CCDC197: variants seen among roughly 807,000 people sequenced by gnomAD.
The protein encoded by CCDC197 is coiled-coil domain containing 197.
CCDC197 carries 24 observed loss-of-function variants against 13.4 expected under a neutral mutation model. That is an observed-to-expected ratio of 1.80 (90% CI 1.30 to 2.53). The LOEUF is 2.53. CCDC197 is among the 30% of genes most tolerant of loss of function. CCDC197 has a pLI of 0.00. For synonymous variants in CCDC197, 99 were observed against 55.5 expected (o/e 1.78, Z -3.48); for missense variants, 255 against 148.8 (o/e 1.71, Z -3.71).
upstream of CCDC197, among the ~76,000 whole-genome samples, chr14:93,993,033 C>A (rs1317175208): frequency 6.6e-6 from 1 of 152,130 alleles, no homozygotes; most frequent in East Asian, 1.9e-4. Flanking sequence ...AAAATTCTGG[C>A]CGAATCAATA....
intron 2 of CCDC197, chr14:93,999,321 C>T (rs1402496320): frequency 6.7e-6 from 3 of 445,054 alleles, no homozygotes; most frequent in Non-Finnish European, 8.0e-6. Context: ...AAGGCTCAGC[C>T]TTCATTCTCC....
At chr14:94,000,130 G>A (rs1398773498) in intron 3 of CCDC197, among the ~76,000 whole-genome samples, 2 of 152,114 alleles carry the variant, frequency 1.3e-5, no homozygotes, top group African/African-American at 4.8e-5. Flanking sequence ...ATGAGTACTG[G>A]AAACTCATTG....
Position 94,003,606 on chromosome 14 carries a change from CACAG to C in CCDC197, c.498+256_498+259del, listed in dbSNP as rs1482812487. Reference sequence around the variant, plus strand: ...CCAGCCAGACACATACACACAAATGCACAGACACACACAGACACACACACAGACA... The same window carrying C: ...CCAGCCAGACACATACACACAAATGCACACACACAGACACACACACAGACA... On this transcript the variant is annotated intron_variant, in intron 5 of 6. Coordinates refer to ENST00000636493, the MANE Select transcript of CCDC197 (RefSeq NM_001351596.2). The surrounding 1 kb of genome is among the most constrained non-coding windows in gnomAD (Gnocchi z 5.0). Among the ~76,000 whole-genome samples, 1 of 89,350 alleles carries C rather than the reference CACAG, an allele frequency of 1.1e-5. No homozygotes were observed. The highest frequency in any genetic ancestry group is 3.1e-5 in the African/African-American group (1 of 32,188). The allele number at this position is 89,350 out of a possible 152,430, so 58.6% of individuals were successfully genotyped here.
chr14:94,004,585 C>A (rs557176475), intron 5 of CCDC197, among the ~76,000 whole-genome samples: 1 of 152,150 alleles, frequency 6.6e-6, no homozygotes. Context: ...CTGCTTCTAA[C>A]GAGGTGTGGA....
At chr14:93,989,115 T>A (rs527748032) in intron 1 of CCDC197, among the ~76,000 whole-genome samples, 168 of 152,006 alleles carry the variant, frequency 1.1e-3, no homozygotes, top group African/African-American at 3.5e-3. Context: ...AATGAACACA[T>A]GGGTAAATAG....
intron 6 of CCDC197, among the ~76,000 whole-genome samples, chr14:94,005,904 T>C (rs1242584728): frequency 2.0e-5 from 3 of 152,152 alleles, no homozygotes; most frequent in African/African-American, 7.2e-5. Flanking sequence ...CATTCATCAG[T>C]TGACGGACAT....
At chr14:94,011,661 G>A (rs1890809782), downstream of CCDC197, among the ~76,000 whole-genome samples, 1 of 152,190 alleles carries the variant, frequency 6.6e-6, no homozygotes, top group Non-Finnish European at 1.5e-5. Flanking sequence ...AGGGCATTTG[G>A]AGAAAAAATA....
chr14:94,008,560 G>A (rs543317628), intron 6 of CCDC197, 49 bp from the exon 7 acceptor site: 57 of 687,720 alleles, frequency 8.3e-5, no homozygotes, highest in African/African-American at 7.0e-4. Flanking sequence ...AGAAAGCAGC[G>A]TCCAGAGGCC....
At position 94,007,888 on chromosome 14, in the gene CCDC197, A is replaced by G. The variant is rs529205783; in HGVS notation, c.616-721A>G. On this transcript the variant is annotated intron_variant, in intron 6 of 6. Transcript: ENST00000636493. ...TCAGCAGTGAGCAAGCCTGTGGCTCAGTTCAGAAGGACTTCTCCAGGAGCC... is the reference window on the plus strand; with the variant it reads ...TCAGCAGTGAGCAAGCCTGTGGCTCGGTTCAGAAGGACTTCTCCAGGAGCC... Among the ~76,000 whole-genome samples, 5 of 152,360 alleles carry G rather than the reference A, an allele frequency of 3.3e-5. No homozygotes were observed. The South Asian group carries it at 1.0e-3, about 32-fold the overall frequency.
rs116329741 is a variant in CCDC197 at position 93,990,502 on chromosome 14, G to A, written c.-107+3106G>A. Among the ~76,000 whole-genome samples, 770 of 152,354 alleles carry A rather than the reference G, an allele frequency of 5.1e-3. 7 individuals carry two copies. The highest frequency in any genetic ancestry group is 0.017 in the African/African-American group (724 of 41,576). ...GCCACCCCAGCCTGGAGTGGACTGA[G>A]CCACTCTCAGTTCCTGCTCCAGGCC... On this transcript the variant is annotated intron_variant, in intron 1 of 7. Coordinates refer to the CCDC197 transcript ENST00000640978.
intron 1 of CCDC197, among the ~76,000 whole-genome samples, chr14:93,989,187 C>T (rs1378563515): frequency 6.6e-6 from 1 of 152,080 alleles, no homozygotes; most frequent in African/African-American, 2.4e-5. Flanking sequence ...TGCTTGACAG[C>T]TGCCGCAGAC....
intron 1 of CCDC197, among the ~76,000 whole-genome samples, chr14:93,988,228 G>A (rs1379960556): frequency 2.8e-5 from 3 of 107,052 alleles, no homozygotes; most frequent in South Asian, 3.6e-4. Context: ...ATGAGAGAGG[G>A]GATAAGAGAG....
chr14:93,992,937 G>T (rs1890235297), upstream of CCDC197, among the ~76,000 whole-genome samples: 1 of 152,164 alleles, frequency 6.6e-6, no homozygotes, highest in South Asian at 2.1e-4. Flanking sequence ...TTTTCCTCTT[G>T]TGCTAGAAAT....
chr14:94,004,064 A>G (rs1890613178), intron 5 of CCDC197, among the ~76,000 whole-genome samples: 1 of 152,174 alleles, frequency 6.6e-6, no homozygotes, highest in Non-Finnish European at 1.5e-5. Context: ...CACTCATTTT[A>G]CAAATGAGAA....
chr14:93,998,332 G>A, intron 2 of CCDC197, 97 bp downstream of exon 2: 1 of 699,928 alleles, frequency 1.4e-6, no homozygotes, highest in Non-Finnish European at 2.6e-6. Flanking sequence ...AGGAGGCCAG[G>A]ACAGGGGGTG....
At chr14:94,001,070 G>T in intron 3 of CCDC197, 75 bp from the exon 4 acceptor site, 1 of 656,536 alleles carries the variant, frequency 1.5e-6, no homozygotes. Flanking sequence ...GCCCCAGCTG[G>T]AATTCCTGGC....
rs530908841 is a variant in CCDC197 at position 94,003,328 on chromosome 14, G to C, written c.472G>C (p.Asp158His). 1 of 590,044 alleles carries C rather than the reference G, an allele frequency of 1.7e-6. No individual in the cohort carries two copies. The highest frequency in any genetic ancestry group is 4.2e-5 in the East Asian group (1 of 23,858). 36.6% of individuals were successfully genotyped at this position (590,044 alleles called of 1,614,324 possible). The change falls in exon 5 of 7, where the codon GAC (aspartate) becomes CAC (histidine). Residue 158 changes from aspartate to histidine, a missense_variant. Asp to His is a moderately conservative substitution (Grantham distance 81, BLOSUM62 -1). Transcript: ENST00000636493. The surrounding 1 kb of genome is among the most constrained non-coding windows in gnomAD (Gnocchi z 5.0). ...SITYQKDIDF[D>H]THTSSSYNDQ... ...CACTTACCAGAAGGACATTGACTTT[G>C]ACACACACACCAGCAGCAGCTATAA...
chr14:93,991,449 T>A (rs1890209402), intron 1 of CCDC197, among the ~76,000 whole-genome samples: 1 of 152,196 alleles, frequency 6.6e-6, no homozygotes, highest in African/African-American at 2.4e-5. Flanking sequence ...TGATTCATGA[T>A]GGCTACACAG....
At chr14:93,989,999 C>T (rs2141339245) in intron 1 of CCDC197, among the ~76,000 whole-genome samples, 1 of 152,330 alleles carries the variant, frequency 6.6e-6, no homozygotes. Context: ...CCCCTGCCAT[C>T]TCAGCAATGA....
Sources: gnomAD v4.1 joint callset for allele counts (sites outside exome capture counted in the v4.1 genomes callset) on GRCh38, gnomAD v4.1.1 for gene constraint, Gnocchi (gnomAD v3.1) non-coding constraint, MANE v1.5 for transcripts, NCBI Gene and HGNC (gene_info 2026-07-23, HGNC 2026-07-21) for gene names.